The following ACCSL variants were observed in gnomAD, a reference collection of about 807,000 sequenced individuals.
ACCSL encodes 1-aminocyclopropane-1-carboxylate synthase homolog (inactive) like, also known as probable inactive 1-aminocyclopropane-1-carboxylate synthase-like protein 2.
ACCSL carries 55 observed loss-of-function variants against 61.7 expected under a neutral mutation model. That is an observed-to-expected ratio of 0.89 (90% CI 0.72 to 1.12). The LOEUF (loss-of-function observed/expected upper bound fraction) is 1.12, where lower values mean the gene tolerates loss of function less well. Ranked by LOEUF, ACCSL falls within the 50% of genes most tolerant of loss-of-function variation. The pLI, the probability that ACCSL is intolerant of heterozygous loss-of-function variation, is 0.00. For missense variants in ACCSL, 632 were observed against 698.0 expected, an observed-to-expected ratio of 0.91 and a Z score of 1.07; for synonymous variants, 258 against 264.3, an observed-to-expected ratio of 0.98 and a Z score of 0.23.
chr11:43,973,968 C>G, the ACCSL span: 1 of 152,190 alleles, frequency 6.6e-6, no homozygotes, highest in Admixed American at 6.5e-5. Flanking sequence ...AGGATGAAAG[C>G]TCCTTTCTAG....
intron 7 of ACCSL, 133 bp from the exon 8 acceptor site, chr11:44,053,273 G>T: frequency 1.1e-6 from 1 of 894,296 alleles, no homozygotes. Flanking sequence ...CCCTCTTTGG[G>T]CAGTATAGTA....
the ACCSL span, among the ~76,000 whole-genome samples, chr11:44,011,843 A>T: frequency 6.6e-6 from 1 of 152,150 alleles, no homozygotes; most frequent in Non-Finnish European, 1.5e-5. Flanking sequence ...TTCCCTGGTG[A>T]GAGGAAAAAG....
the ACCSL span, among the ~76,000 whole-genome samples, chr11:44,018,862 G>A: frequency 6.6e-6 from 1 of 152,124 alleles, no homozygotes; most frequent in Non-Finnish European, 1.5e-5. Flanking sequence ...ATACAATTCA[G>A]CATTTTAAGG....
chr11:43,960,582 A>G, the ACCSL span, among the ~76,000 whole-genome samples: 1 of 151,874 alleles, frequency 6.6e-6, no homozygotes, highest in Admixed American at 6.6e-5. Context: ...ATGAGGTTTC[A>G]CCATGTTGGC....
At position 44,050,073 on chromosome 11, in the gene ACCSL, C is replaced by A. The variant is rs956924684; in HGVS notation, c.516C>A (p.Asn172Lys). The change falls in exon 2 of 14, where the codon AAC becomes AAA. Residue 172 changes from asparagine (N) to lysine (K), a missense_variant. Coordinates refer to ENST00000378832, the MANE Select transcript of ACCSL (RefSeq NM_001031854.2). The stretch of plus-strand genomic sequence containing the variant: ...CCTTCCATCTCCAGGGTTTCATTAA[C>A]CTTGGCACCAGTGAGAACAAGCTCT... ...HKDKNTLGFI[N>K]LGTSENKLCM... 2 of 1,614,036 alleles carry A rather than the reference C, an allele frequency of 1.2e-6. No individual in the cohort carries two copies. The highest frequency in any genetic ancestry group is 1.7e-5 in the Admixed American group (1 of 60,008).
the ACCSL span, among the ~76,000 whole-genome samples, chr11:44,023,666 A>G: frequency 1.1e-5 from 1 of 93,680 alleles, no homozygotes; most frequent in Non-Finnish European, 2.3e-5. Context: ...TGCAGTTTTT[A>G]TTATTTCCTT....
chr11:43,941,021 A>G, the ACCSL span, among the ~76,000 whole-genome samples: 1 of 152,178 alleles, frequency 6.6e-6, no homozygotes, highest in African/African-American at 2.4e-5. Flanking sequence ...AAATGGCGAT[A>G]AGAAATGTAT....
At chr11:43,997,493 T>C in the ACCSL span, among the ~76,000 whole-genome samples, 6 of 152,326 alleles carry the variant, frequency 3.9e-5, no homozygotes, top group Non-Finnish European at 5.9e-5. Flanking sequence ...AGCTTTCCAG[T>C]TGCGATATTT....
At chr11:43,941,298 C>T in the ACCSL span, among the ~76,000 whole-genome samples, 56 of 152,192 alleles carry the variant, frequency 3.7e-4, no homozygotes, top group Non-Finnish European at 6.8e-4. Flanking sequence ...TCTGTCTCTC[C>T]CCACAACACC....
chr11:43,949,705 C>T, the ACCSL span, among the ~76,000 whole-genome samples: 1 of 151,938 alleles, frequency 6.6e-6, no homozygotes, highest in Non-Finnish European at 1.5e-5. Context: ...ATCCCAGCTA[C>T]TTGGGAGGCT....
the ACCSL span, among the ~76,000 whole-genome samples, chr11:44,035,874 G>A: frequency 6.8e-6 from 1 of 147,200 alleles, no homozygotes; most frequent in Non-Finnish European, 1.5e-5. Flanking sequence ...GAAGGTAGAG[G>A]TTGCAGTGAG....
the ACCSL span, among the ~76,000 whole-genome samples, chr11:44,009,263 C>T: frequency 6.6e-6 from 1 of 152,118 alleles, no homozygotes. Flanking sequence ...TATCAGGGTT[C>T]CCAGGCCTTT....
chr11:44,010,170 G>A, the ACCSL span, among the ~76,000 whole-genome samples: 462 of 152,184 alleles, frequency 3.0e-3, 6 homozygotes, highest in African/African-American at 0.011. Context: ...GAGAAACCCC[G>A]TCTCTACTAA....
At chr11:43,942,794 C>A in the ACCSL span, 4 of 687,070 alleles carry the variant, frequency 5.8e-6, no homozygotes, top group South Asian at 6.5e-5. Context: ...AGATTTGGAT[C>A]CCCCGCCCGG....
At chr11:43,953,595 G>T in the ACCSL span, among the ~76,000 whole-genome samples, 1 of 150,836 alleles carries the variant, frequency 6.6e-6, no homozygotes, top group East Asian at 2.0e-4. Context: ...TGATGAAAGT[G>T]ACCTCTGGGT....
chr11:44,042,674 C>G, the ACCSL span, among the ~76,000 whole-genome samples: 1 of 148,716 alleles, frequency 6.7e-6, no homozygotes, highest in African/African-American at 2.5e-5. Context: ...TTTAGCTTGT[C>G]TTTTTTGGAA....
chr11:44,036,696 C>T, the ACCSL span, among the ~76,000 whole-genome samples: 1 of 151,370 alleles, frequency 6.6e-6, no homozygotes, highest in Non-Finnish European at 1.5e-5. Context: ...GCAGGAGCAT[C>T]GCTTGAACCC....
the ACCSL span, among the ~76,000 whole-genome samples, chr11:43,957,134 C>G: frequency 6.6e-6 from 1 of 152,122 alleles, no homozygotes. Context: ...GGTTAAGGAC[C>G]ATGGCCATTG....
chr11:44,012,364 G>T, the ACCSL span, among the ~76,000 whole-genome samples: 1 of 151,566 alleles, frequency 6.6e-6, no homozygotes, highest in East Asian at 1.9e-4. Context: ...TCAGCTCACT[G>T]CAACCTCCGC....
Sources: allele counts gnomAD v4.1 joint callset (sites outside exome capture counted in the v4.1 genomes callset), GRCh38; gene constraint gnomAD v4.1.1; transcripts MANE v1.5; gene names NCBI Gene and HGNC (gene_info 2026-07-23, HGNC 2026-07-21).